Variants in FRY observed in about 807,000 individuals in gnomAD.
FRY encodes the protein FRY microtubule binding protein.
A neutral mutation model predicts 348.4 loss-of-function variants in FRY; 128 were observed. That is an observed-to-expected ratio of 0.37 (90% CI 0.32 to 0.43). The LOEUF is 0.43. FRY is among the 20% of genes least tolerant of loss of function. FRY has a pLI of 1.00. For missense variants in FRY, 2,736 were observed against 3,695.2 expected (o/e 0.74, Z 6.73); for synonymous variants, 1,370 against 1,374.7 (o/e 1.00, Z 0.08).
At chr13:32,168,020 G>A (rs1323606617) in intron 17 of FRY, among the ~76,000 whole-genome samples, 1 of 152,128 alleles carries the variant, frequency 6.6e-6, no homozygotes, top group African/African-American at 2.4e-5. Flanking sequence ...TCTCCAGAGA[G>A]AAACAGAAAC....
intron 50 of FRY, among the ~76,000 whole-genome samples, chr13:32,252,270 T>A (rs900571993): frequency 6.6e-6 from 1 of 152,200 alleles, no homozygotes; most frequent in African/African-American, 2.4e-5. Context: ...TAATCTCCAC[T>A]GACCACCATG....
chr13:32,084,113 G>A lies in FRY; in HGVS notation c.270+5080G>A, dbSNP rs79814202. ...AGCTTTTGGGTTATCTGAGCCCATC[G>A]TCCTGCCTGTGTCCTCTGCAGAATT... On this transcript the variant is annotated intron_variant, in intron 2 of 60. Transcript: ENST00000542859. Among the ~76,000 whole-genome samples the A allele has an allele frequency of 2.2e-3, 335 of 152,086 alleles. 5 individuals carry two copies. The highest frequency in any genetic ancestry group is 0.02 in the East Asian group (105 of 5,174).
chr13:32,232,558 G>A (rs1319528170), intron 41 of FRY, among the ~76,000 whole-genome samples: 2 of 152,226 alleles, frequency 1.3e-5, no homozygotes. Flanking sequence ...AGGTGCTTCA[G>A]GACCCTCCAG....
chr13:32,160,114 C>A (rs187446097), intron 16 of FRY, among the ~76,000 whole-genome samples: 1 of 152,174 alleles, frequency 6.6e-6, no homozygotes, highest in Non-Finnish European at 1.5e-5. Flanking sequence ...TGTCACAGAG[C>A]AAAATTGCTG....
chr13:32,121,749 G>A (rs1261389779), intron 4 of FRY, among the ~76,000 whole-genome samples: 2 of 152,186 alleles, frequency 1.3e-5, no homozygotes, highest in Non-Finnish European at 2.9e-5. Context: ...TCTGCTGACT[G>A]TTCCTTTTGC....
chr13:32,254,493 T>G (rs1887239269), intron 51 of FRY, 99 bp downstream of exon 51: 1 of 1,146,896 alleles, frequency 8.7e-7, no homozygotes, highest in Non-Finnish European at 1.3e-6. Context: ...TGTAACAAGA[T>G]CTTTAATTGG....
At chr13:32,271,635 G>A (rs1888207926) in intron 55 of FRY, among the ~76,000 whole-genome samples, 1 of 152,222 alleles carries the variant, frequency 6.6e-6, no homozygotes. Context: ...TCAGATTGCA[G>A]GAGAGAGACC....
chr13:32,202,848 G>C (rs958972507), intron 31 of FRY, among the ~76,000 whole-genome samples: 3 of 151,718 alleles, frequency 2.0e-5, no homozygotes, highest in African/African-American at 7.3e-5. Flanking sequence ...TACTTAGGAG[G>C]CTAGGCAGGA....
At chr13:32,123,820 T>TTTGTTGTTGTTGTTG (rs34241410) in intron 4 of FRY, among the ~76,000 whole-genome samples, 2 of 151,636 alleles carry the variant, frequency 1.3e-5, no homozygotes, top group African/African-American at 4.8e-5. Flanking sequence ...ATTAGCATGT[T>TTTGTTGTTGTTGTTG]TTGTTGTTGT....
rs1882202703 is a variant in FRY, at chr13:32,173,377, A to G, written c.2162A>G (p.Asn721Ser). 3 of 1,611,480 alleles carry G rather than the reference A, an allele frequency of 1.9e-6. No individual in the cohort carries two copies. Among genetic ancestry groups the G allele is most frequent in the African/African-American group, 2.7e-5 (2 of 74,852 alleles). The change falls in exon 19 of 61, where the codon AAT (asparagine) becomes AGT (serine). Residue 721 changes from asparagine (N) to serine (S), a missense_variant. Physicochemically the swap from Asn to Ser is conservative, Grantham distance 46. Transcript: ENST00000542859. Reference protein sequence around the residue: ...NKIRNSELIANGSSHRIQSER... With the variant: ...NKIRNSELIASGSSHRIQSER... Reference sequence around the variant, plus strand: ...CTTATTGCATAACAGCTCATCGCAAATGGCTCCAGTCACAGAATTCAGTCG... The same window carrying G: ...CTTATTGCATAACAGCTCATCGCAAGTGGCTCCAGTCACAGAATTCAGTCG...
intron 19 of FRY, among the ~76,000 whole-genome samples, chr13:32,174,450 T>C (rs1045631886): frequency 6.6e-6 from 1 of 152,230 alleles, no homozygotes; most frequent in Non-Finnish European, 1.5e-5. Flanking sequence ...AATTACCATG[T>C]ATGTGTCAGG....
At chr13:32,138,137 GT>G (rs532040956) in intron 11 of FRY, among the ~76,000 whole-genome samples, 4 of 149,558 alleles carry the variant, frequency 2.7e-5, no homozygotes, top group Non-Finnish European at 4.4e-5. Context: ...GTTTTGTTTT[GT>G]TTTTTTGTTT....
intron 28 of FRY, among the ~76,000 whole-genome samples, chr13:32,190,195 A>G (rs1490090442): frequency 2.0e-5 from 3 of 151,936 alleles, no homozygotes; most frequent in East Asian, 1.9e-4. Flanking sequence ...TATGAGCACC[A>G]TATTTAATAT....
chr13:32,258,977 CAA>C (rs752498858), intron 51 of FRY, among the ~76,000 whole-genome samples: 4 of 152,080 alleles, frequency 2.6e-5, no homozygotes, highest in Non-Finnish European at 5.9e-5. Context: ...AAAAAAGTGT[CAA>C]AAAATAGTAT....
Position 32,237,812 on chromosome 13 carries a change from C to G in FRY, c.6244C>G (p.Arg2082Gly). Reference protein sequence around the residue: ...AHMPLDKAENREKLEKLQAQL... With the variant: ...AHMPLDKAENGEKLEKLQAQL... ...TATGCCACTCGATAAGGCTGAGAAC[C>G]GAGAAAAGCTTGAGAAACTCCAGGC... Residue 2082 changes from arginine to glycine, a missense_variant, in exon 44 of 61, where the codon CGA (arginine) becomes GGA (glycine). Around this residue, in one of 9 missense-constraint regions of FRY, gnomAD observed 789 missense variants for 996.2 expected, o/e 0.79. Transcript: ENST00000542859. This position sits in a 1 kb window ranked among gnomAD's most constrained non-coding sequence, Gnocchi z 6.3. 1 of 1,614,134 alleles carries G rather than the reference C, an allele frequency of 6.2e-7. No homozygotes were observed. The highest frequency in any genetic ancestry group is 8.5e-7 in the Non-Finnish European group (1 of 1,180,018).
At position 32,224,232 on chromosome 13, in the gene FRY, C is replaced by T. The variant is rs1268191976; in HGVS notation, c.4766-3C>T. On this transcript the variant is annotated splice_polypyrimidine_tract_variant and splice_region_variant and intron_variant, in intron 36 of 60. Coordinates refer to ENST00000542859, the MANE Select transcript of FRY (RefSeq NM_023037.3). ...AAGCACAGTTGTCTTTCTCACCCTCCAGATGATCCAATTTCTCCCTACACG... is the reference window on the plus strand; with the variant it reads ...AAGCACAGTTGTCTTTCTCACCCTCTAGATGATCCAATTTCTCCCTACACG... 5.0e-6 allele frequency: 8 copies of T among 1,613,834 alleles called. No individual in the cohort carries two copies. The African/African-American group carries it at 5.3e-5, about 11-fold the overall frequency.
In FRY at chr13:32,179,740, C is replaced by T; in HGVS notation, c.2937C>T (p.Ser979=). The T allele has an allele frequency of 6.2e-7, 1 of 1,613,052 alleles. No homozygotes were observed. The highest frequency in any genetic ancestry group is 8.5e-7 in the Non-Finnish European group (1 of 1,178,990). Residue 979 remains serine (S), a synonymous_variant, in exon 23 of 61, where the codon AGC becomes AGT. Transcript: ENST00000542859. ...TGGTGCCTTTGATGAGACTAGAGAG[C>T]ATTGAGATCACAGAGTCCTTAGTTT... ...KQLVPLMRLE[S]IEITESLVLG...
At chr13:32,117,889 G>A (rs933491824) in intron 4 of FRY, among the ~76,000 whole-genome samples, 13 of 152,182 alleles carry the variant, frequency 8.5e-5, no homozygotes, top group Admixed American at 5.2e-4. Context: ...TGGACTGGAC[G>A]TTAGTGGTAG....
intron 53 of FRY, among the ~76,000 whole-genome samples, chr13:32,263,604 A>T (rs894345772): frequency 1.3e-5 from 2 of 152,226 alleles, no homozygotes; most frequent in Admixed American, 6.5e-5. Flanking sequence ...ATTAAATTTC[A>T]TAGAAAAAAA....
Sources: allele counts gnomAD v4.1 joint callset (sites outside exome capture counted in the v4.1 genomes callset), GRCh38; gene constraint gnomAD v4.1.1; regional missense constraint gnomAD v4.1.1; non-coding constraint Gnocchi (gnomAD v3.1); transcripts MANE v1.5; gene names NCBI Gene and HGNC (gene_info 2026-07-23, HGNC 2026-07-21).